The following INTS6 variants were observed in gnomAD, a reference collection of about 807,000 sequenced individuals.
The protein encoded by INTS6 is integrator complex subunit 6.
INTS6 carries 16 observed loss-of-function variants against 104.9 expected under a neutral mutation model. That is an observed-to-expected ratio of 0.15 (90% CI 0.10 to 0.23). The LOEUF is 0.23. Among genes scored for constraint, INTS6 ranks in the 10% least tolerant of loss-of-function variants. The pLI, the probability that INTS6 is intolerant of heterozygous loss-of-function variation, is 1.00. For missense variants in INTS6, 584 were observed against 1,062.8 expected (o/e 0.55, Z 6.26); for synonymous variants, 324 against 358.7 (o/e 0.90, Z 1.09).
chr13:51,336,665 T>A, the INTS6 span, among the ~76,000 whole-genome samples: 5 of 152,212 alleles, frequency 3.3e-5, no homozygotes, highest in African/African-American at 1.2e-4. Flanking sequence ...AAGAAGTTGA[T>A]GCTTTCAGCC....
chr13:51,362,151 TGCTATAGG>T lies in INTS6; in HGVS notation c.*3593_*3600del. The T allele has an allele frequency of 9.9e-7, 1 of 1,009,458 alleles. No homozygotes were observed. Among genetic ancestry groups the T allele is most frequent in the Non-Finnish European group, 1.4e-6 (1 of 740,332 alleles). The allele number at this position is 1,009,458 out of a possible 1,614,324, so 62.5% of individuals were successfully genotyped here. On this transcript the variant is annotated 3_prime_UTR_variant, in exon 18 of 18. Coordinates refer to ENST00000311234, the MANE Select transcript of INTS6 (RefSeq NM_012141.3). Reference sequence around the variant, plus strand: ...AGTTAATGTAGATTTTTTTTTTTAATGCTATAGGTTTCTACTTCTGAAGACACTTGGAA... The same window carrying T: ...AGTTAATGTAGATTTTTTTTTTTAATTTTCTACTTCTGAAGACACTTGGAA...
At chr13:51,432,449 A>G (rs1463049124) in intron 3 of INTS6, among the ~76,000 whole-genome samples, 1 of 138,440 alleles carries the variant, frequency 7.2e-6, no homozygotes, top group East Asian at 2.0e-4. Flanking sequence ...GTTTACCACA[A>G]TTTATTAAAA....
intron 3 of INTS6, chr13:51,445,082 A>G (rs1952881934): frequency 1.3e-5 from 2 of 152,182 alleles, no homozygotes; most frequent in South Asian, 2.1e-4. Flanking sequence ...TGCAAATCAA[A>G]CTTGTGTAAA....
At chr13:51,341,025 T>G in the INTS6 span, 2 of 1,569,572 alleles carry the variant, frequency 1.3e-6, no homozygotes, top group Non-Finnish European at 1.7e-6. Flanking sequence ...ATGGCCCTCT[T>G]TCATCACCAG....
intron 5 of INTS6, among the ~76,000 whole-genome samples, chr13:51,394,637 A>G (rs1956303392): frequency 1.3e-5 from 2 of 152,190 alleles, no homozygotes; most frequent in African/African-American, 4.8e-5. Flanking sequence ...CCATGAAACC[A>G]AAAATGCCGT....
downstream of INTS6, among the ~76,000 whole-genome samples, chr13:51,353,340 G>T (rs1463859556): frequency 9.2e-5 from 14 of 152,130 alleles, no homozygotes; most frequent in African/African-American, 3.4e-4. Context: ...ATAAGTGCAT[G>T]GGCTGTGCTG....
In INTS6 at chr13:51,452,582, G is replaced by A. The variant is rs1953087177; in HGVS notation, c.-57C>T. 2 of 1,582,542 alleles carry A rather than the reference G, an allele frequency of 1.3e-6. No homozygotes were observed. The highest frequency in any genetic ancestry group is 1.7e-6 in the Non-Finnish European group (2 of 1,162,914). Reference sequence around the variant, plus strand: ...GGTGGAGAAAGAGGAGATGGTAGAGGTGGAGGCGCCGGTGGCGGCGACCGC... The same window carrying A: ...GGTGGAGAAAGAGGAGATGGTAGAGATGGAGGCGCCGGTGGCGGCGACCGC... On this transcript the variant is annotated 5_prime_UTR_variant, in exon 1 of 18. Coordinates refer to ENST00000311234, the MANE Select transcript of INTS6 (RefSeq NM_012141.3). The surrounding 1 kb of genome is among the most constrained non-coding windows in gnomAD (Gnocchi z 4.2).
At chr13:51,400,422 T>C (rs924447062) in intron 4 of INTS6, among the ~76,000 whole-genome samples, 2 of 152,212 alleles carry the variant, frequency 1.3e-5, no homozygotes, top group African/African-American at 4.8e-5. Flanking sequence ...CATGTTTTCT[T>C]CTAAAAGCTT....
chr13:51,425,460 A>C (rs1265772474), intron 4 of INTS6, among the ~76,000 whole-genome samples: 1 of 152,116 alleles, frequency 6.6e-6, no homozygotes, highest in African/African-American at 2.4e-5. Flanking sequence ...CCTCCACAGC[A>C]ATCATAACAT....
chr13:51,337,911 G>C, the INTS6 span, among the ~76,000 whole-genome samples: 1 of 152,162 alleles, frequency 6.6e-6, no homozygotes, highest in Non-Finnish European at 1.5e-5. Context: ...TGCTTAAATG[G>C]TCAGAGACCA....
At chr13:51,361,541 G>C (rs1955575106), downstream of INTS6, 1 of 593,718 alleles carries the variant, frequency 1.7e-6, no homozygotes, top group East Asian at 2.8e-5. Context: ...TGACGGGGAA[G>C]AAGAGATATC....
At chr13:51,401,859 T>C (rs1956447026) in intron 4 of INTS6, among the ~76,000 whole-genome samples, 1 of 152,066 alleles carries the variant, frequency 6.6e-6, no homozygotes. Context: ...GGAAATATAA[T>C]CTGCATTTTT....
rs1012927363 is a variant in INTS6, at chr13:51,450,373, T to A, written c.339+652A>T. On this transcript the variant is annotated intron_variant, in intron 3 of 17. Coordinates refer to ENST00000311234, the MANE Select transcript of INTS6 (RefSeq NM_012141.3). ...AAAGTAAGTGCAATAAAAGGACTTG[T>A]GGGGGTTAAGAAACGAAGGGTTCTT... 21 of 985,288 alleles carry A rather than the reference T, an allele frequency of 2.1e-5. No individual in the cohort carries two copies. In the South Asian group the frequency reaches 9.9e-4, roughly 46 times the overall value. 61.0% of individuals were successfully genotyped at this position (985,288 alleles called of 1,614,324 possible).
intron 12 of INTS6, among the ~76,000 whole-genome samples, 194 bp downstream of exon 12, chr13:51,378,045 T>C (rs1323425952): frequency 6.6e-6 from 1 of 152,118 alleles, no homozygotes; most frequent in Non-Finnish European, 1.5e-5. Flanking sequence ...TCTTCATCAA[T>C]CTATCCATTC....
intron 3 of INTS6, chr13:51,447,203 T>A (rs151031158): frequency 3.0e-4 from 46 of 152,306 alleles, no homozygotes; most frequent in African/African-American, 1.0e-3. Context: ...CAAACTCTTA[T>A]TCATACATTT....
chr13:51,435,402 G>A (rs1046206634), intron 3 of INTS6, among the ~76,000 whole-genome samples: 1 of 151,874 alleles, frequency 6.6e-6, no homozygotes, highest in Non-Finnish European at 1.5e-5. Flanking sequence ...TCTGCCACAA[G>A]ATAATATAAA....
At chr13:51,339,218 T>G in the INTS6 span, 1 of 152,250 alleles carries the variant, frequency 6.6e-6, no homozygotes, top group East Asian at 1.9e-4. Flanking sequence ...GATCGTGCCA[T>G]ATCTTGCGTT....
intron 4 of INTS6, among the ~76,000 whole-genome samples, chr13:51,420,480 C>T (rs1169210125): frequency 6.6e-6 from 1 of 151,898 alleles, no homozygotes; most frequent in African/African-American, 2.4e-5. Context: ...TAAACTTTTT[C>T]CAAAATACTC....
chr13:51,410,397 A>G (rs900901676), intron 4 of INTS6, among the ~76,000 whole-genome samples: 2 of 152,332 alleles, frequency 1.3e-5, no homozygotes, highest in East Asian at 1.9e-4. Flanking sequence ...AACAGAATAG[A>G]AAGTCCAGAA....
Sources: gnomAD v4.1 joint callset for allele counts (sites outside exome capture counted in the v4.1 genomes callset) on GRCh38, gnomAD v4.1.1 for gene constraint, Gnocchi (gnomAD v3.1) non-coding constraint, MANE v1.5 for transcripts, NCBI Gene and HGNC (gene_info 2026-07-23, HGNC 2026-07-21) for gene names.